The following ZNF827 variants were observed in gnomAD, a reference collection of about 807,000 sequenced individuals.
The protein encoded by ZNF827 is zinc finger protein 827.
Under a neutral mutation model 102.4 loss-of-function variants are expected in ZNF827, and 13 were observed. That is an observed-to-expected ratio of 0.13 (90% confidence interval 0.08 to 0.20). The LOEUF is 0.20. Among genes scored for constraint, ZNF827 ranks in the 10% least tolerant of loss-of-function variants. The pLI is 1.00. For missense variants in ZNF827, 1,103 were observed against 1,344.4 expected (o/e 0.82, Z 2.81); for synonymous variants, 523 against 536.2 (o/e 0.98, Z 0.34).
chr4:145,902,228 T>TGTGGTGGTG lies in ZNF827; in HGVS notation c.1022_1030dup (p.Pro341_Pro343dup), dbSNP rs746388821. ...TGGGAGTAATAATAATTCCAGGGAT[T>TGTGGTGGTG]GTGGTGGTGGTGGTGGAGGTGGTGG... On this transcript the variant is annotated inframe_insertion, in exon 2 of 15. Coordinates refer to ENST00000508784, the MANE Select transcript of ZNF827 (RefSeq NM_001306215.2). The surrounding 1 kb of genome is among the most constrained non-coding windows in gnomAD (Gnocchi z 4.3). 1.2e-6 allele frequency: 2 copies of TGTGGTGGTG among 1,601,196 alleles called. No homozygotes were observed. The highest frequency in any genetic ancestry group is 1.7e-6 in the Non-Finnish European group (2 of 1,173,040).
intron 1 of ZNF827, among the ~76,000 whole-genome samples, chr4:145,903,994 G>A (rs1244551317): frequency 2.0e-5 from 3 of 152,086 alleles, no homozygotes; most frequent in African/African-American, 7.2e-5. Flanking sequence ...CACAGGCAGC[G>A]GTTAGGAATG....
chr4:145,908,188 T>A (rs1481209481), intron 1 of ZNF827, among the ~76,000 whole-genome samples: 1 of 152,224 alleles, frequency 6.6e-6, no homozygotes, highest in African/African-American at 2.4e-5. Flanking sequence ...GAGACACCTA[T>A]TAATTTTCAA....
At chr4:145,890,915 C>T (rs766460701) in intron 3 of ZNF827, among the ~76,000 whole-genome samples, 1 of 152,208 alleles carries the variant, frequency 6.6e-6, no homozygotes, top group Non-Finnish European at 1.5e-5. Context: ...TTTAAATTTT[C>T]TTAATCTTCC....
chr4:145,816,277 C>A (rs1742585785), intron 8 of ZNF827, among the ~76,000 whole-genome samples: 1 of 152,198 alleles, frequency 6.6e-6, no homozygotes, highest in Non-Finnish European at 1.5e-5. Flanking sequence ...CCTATCTGGG[C>A]AGACTCAAAC....
chr4:145,921,084 G>A (rs1377925535), intron 1 of ZNF827, among the ~76,000 whole-genome samples: 1 of 152,182 alleles, frequency 6.6e-6, no homozygotes, highest in African/African-American at 2.4e-5. Flanking sequence ...AGGGGAAGCA[G>A]GAAAGGCTTC....
intron 1 of ZNF827, among the ~76,000 whole-genome samples, chr4:145,909,188 A>AT (rs529321758): frequency 6.6e-6 from 1 of 152,218 alleles, no homozygotes; most frequent in Non-Finnish European, 1.5e-5. Flanking sequence ...AAACTATTAC[A>AT]TTATAAATAC....
At chr4:145,853,968 C>A (rs759173355) in intron 5 of ZNF827, among the ~76,000 whole-genome samples, 1 of 150,754 alleles carries the variant, frequency 6.6e-6, no homozygotes. Flanking sequence ...AAAAAAAAGT[C>A]TCAATTAAAA....
At chr4:145,870,774 G>A (rs1054122487) in intron 4 of ZNF827, 7 of 286,370 alleles carry the variant, frequency 2.4e-5, no homozygotes, top group Non-Finnish European at 4.0e-5. Flanking sequence ...CTTGTTTCCT[G>A]TGTATGCCAC....
At chr4:145,899,740 G>A (rs1751265598) in intron 2 of ZNF827, among the ~76,000 whole-genome samples, 2 of 152,168 alleles carry the variant, frequency 1.3e-5, no homozygotes. Flanking sequence ...TGATGAAGCT[G>A]CTTCTTCAAG....
intron 4 of ZNF827, among the ~76,000 whole-genome samples, chr4:145,872,730 C>G (rs1458562413): frequency 1.3e-5 from 2 of 151,362 alleles, no homozygotes; most frequent in African/African-American, 2.4e-5. Context: ...TACAAATAAG[C>G]CAGACGTGGT....
At position 145,902,215 on chromosome 4, in the gene ZNF827, T is replaced by C; in HGVS notation, c.1044A>G (p.Leu348=). 1 of 1,606,970 alleles carries C rather than the reference T, an allele frequency of 6.2e-7. No individual in the cohort carries two copies. The highest frequency in any genetic ancestry group is 8.5e-7 in the Non-Finnish European group (1 of 1,177,302). Residue 348 remains leucine, a synonymous_variant, in exon 2 of 15, where the codon TTA becomes TTG. Transcript: ENST00000508784. This position sits in a 1 kb window ranked among gnomAD's most constrained non-coding sequence, Gnocchi z 4.3. ...PPPPPPQSLE[L]LLLPVPKGRV... is the part of the protein sequence containing the mutation. ...TTCCCTTAGGAACTGGGAGTAATAA[T>C]AATTCCAGGGATTGTGGTGGTGGTG...
Position 145,760,720 on chromosome 4 carries a change from GTTT to G in ZNF827, c.*893_*895del, listed in dbSNP as rs10715391. 6,511 of 693,074 alleles carry G rather than the reference GTTT, an allele frequency of 9.4e-3. No homozygotes were observed. Among genetic ancestry groups the G allele is most frequent in the Non-Finnish European group, 0.01 (5,750 of 564,002 alleles). 42.9% of individuals were successfully genotyped at this position (693,074 alleles called of 1,614,324 possible). On this transcript the variant is annotated 3_prime_UTR_variant, in exon 15 of 15. Coordinates refer to ENST00000508784, the MANE Select transcript of ZNF827 (RefSeq NM_001306215.2). ...GCTGGGGTTGTGTTTAAGTTTTGTG[GTTT>G]TTTTTTTTTTTTTTGTCTTTTGTCT... is the stretch of plus-strand genomic sequence containing the variant.
At chr4:145,818,717 G>A (rs745530160) in intron 8 of ZNF827, among the ~76,000 whole-genome samples, 1 of 152,234 alleles carries the variant, frequency 6.6e-6, no homozygotes, top group Non-Finnish European at 1.5e-5. Flanking sequence ...AAAGGAAGGT[G>A]ACATGCACAC....
In ZNF827 at chr4:145,774,568, G is replaced by C; in HGVS notation, c.2798C>G (p.Ala933Gly). The C allele has an allele frequency of 1.2e-6, 2 of 1,613,138 alleles. No homozygotes were observed. The highest frequency in any genetic ancestry group is 1.7e-6 in the Non-Finnish European group (2 of 1,179,652). The change falls in exon 11 of 15, where the codon GCC (alanine) becomes GGC (glycine). Residue 933 changes from alanine to glycine, a missense_variant. Coordinates refer to ENST00000508784, the MANE Select transcript of ZNF827 (RefSeq NM_001306215.2). ...TTCCTCCATGGTGACGAAGTCGCAG[G>C]CAGTGCAGCAGATCGAAAACATCCA... ...EQWMFSICCT[A>G]CDFVTMEEAE...
Position 145,760,719 on chromosome 4 carries a change from GGTT to G in ZNF827, c.*894_*896del. 2.4e-6 allele frequency: 2 copies of G among 845,942 alleles called. No individual in the cohort carries two copies. The highest frequency in any genetic ancestry group is 2.8e-6 in the Non-Finnish European group (2 of 710,904). The allele number at this position is 845,942 out of a possible 1,614,324, so 52.4% of individuals were successfully genotyped here. A position where few individuals can be genotyped will look rare whatever the true frequency, so the allele number is the denominator to read the frequency against. The stretch of plus-strand genomic sequence containing the variant: ...TGCTGGGGTTGTGTTTAAGTTTTGT[GGTT>G]TTTTTTTTTTTTTTTGTCTTTTGTC... On this transcript the variant is annotated 3_prime_UTR_variant, in exon 15 of 15. Coordinates refer to ENST00000508784, the MANE Select transcript of ZNF827 (RefSeq NM_001306215.2).
chr4:145,909,106 T>A (rs1752083049), intron 1 of ZNF827, among the ~76,000 whole-genome samples: 1 of 152,230 alleles, frequency 6.6e-6, no homozygotes, highest in Non-Finnish European at 1.5e-5. Context: ...CTTCACATTT[T>A]AAAAATATAC....
intron 5 of ZNF827, among the ~76,000 whole-genome samples, chr4:145,868,488 C>T (rs139682306): frequency 3.3e-5 from 5 of 152,324 alleles, no homozygotes; most frequent in African/African-American, 1.2e-4. Context: ...CCCCATAGCA[C>T]ATGTGCTCAA....
chr4:145,845,750 A>G (rs529163733), intron 7 of ZNF827, among the ~76,000 whole-genome samples: 2 of 152,360 alleles, frequency 1.3e-5, no homozygotes, highest in Admixed American at 1.3e-4. Flanking sequence ...GACACCTATT[A>G]GATGTTTAGT....
intron 8 of ZNF827, among the ~76,000 whole-genome samples, chr4:145,788,355 C>T (rs1163696024): frequency 6.6e-6 from 1 of 152,302 alleles, no homozygotes; most frequent in African/African-American, 2.4e-5. Context: ...AGGCTGATCA[C>T]ATAGAACTTG....
Sources: gnomAD v4.1 joint callset for allele counts (sites outside exome capture counted in the v4.1 genomes callset) on GRCh38, gnomAD v4.1.1 for gene constraint, Gnocchi (gnomAD v3.1) non-coding constraint, MANE v1.5 for transcripts, NCBI Gene and HGNC (gene_info 2026-07-23, HGNC 2026-07-21) for gene names.